Variants in PLCG1 observed in about 807,000 individuals in gnomAD.
The protein encoded by PLCG1 is 1-phosphatidylinositol 4,5-bisphosphate phosphodiesterase gamma-1.
A neutral mutation model predicts 177.8 loss-of-function variants in PLCG1; 71 were observed. The observed-to-expected ratio is 0.40, with a 90% confidence interval of 0.33 to 0.49. The LOEUF is 0.49. Among genes scored for constraint, PLCG1 ranks in the 20% least tolerant of loss-of-function variants. The pLI, the probability that PLCG1 is intolerant of heterozygous loss-of-function variation, is 0.72. For missense variants in PLCG1, 1,281 were observed against 1,709.0 expected (o/e 0.75, Z 4.42); for synonymous variants, 658 against 647.9 (o/e 1.02, Z -0.24).
rs1210976732 is a variant in PLCG1, at chr20:41,161,540, C to T, written c.513-912C>T. Among the ~76,000 whole-genome samples, 6 of 152,156 alleles carry T rather than the reference C, an allele frequency of 3.9e-5. No homozygotes were observed. The East Asian group carries it at 1.2e-3, about 29-fold the overall frequency. ...AGGCCTCTGTTTCCTCACTGGAAAA[C>T]AAGGACCCTGATAGCACCTACCTCC... On this transcript the variant is annotated intron_variant, in intron 4 of 31. Transcript: ENST00000685551.
chr20:41,168,937 C>T, intron 21 of PLCG1, 67 bp downstream of exon 21: 2 of 1,204,218 alleles, frequency 1.7e-6, no homozygotes, highest in East Asian at 2.3e-5. Context: ...CAAAGACATG[C>T]ATTTGTGATG....
Position 41,174,169 on chromosome 20 carries a change from G to C in PLCG1, c.3691G>C (p.Glu1231Gln), listed in dbSNP as rs763120110. 12 of 1,614,036 alleles carry C rather than the reference G, an allele frequency of 7.4e-6. No homozygotes were observed. The highest frequency in any genetic ancestry group is 4.4e-5 in the South Asian group (4 of 91,086). The change falls in exon 31 of 32, where the codon GAG becomes CAG. Residue 1231 changes from glutamate to glutamine, a missense_variant. Physicochemically the swap from Glu to Gln is conservative, Grantham distance 29 (BLOSUM62 2). Around this residue, in one of 4 missense-constraint regions of PLCG1, gnomAD observed 153 missense variants for 153.2 expected, o/e 1.00. Coordinates refer to ENST00000685551, the MANE Select transcript of PLCG1 (RefSeq NM_002660.3). This position sits in a 1 kb window ranked among gnomAD's most constrained non-coding sequence, Gnocchi z 5.8. ...LSPFSGTSLRERGSDASGQLF... is the reference protein window; with the variant it reads ...LSPFSGTSLRQRGSDASGQLF... ...TCCCTTCAGTGGTACGTCCCTGCGG[G>C]AGCGGGGCTCAGATGCCTCAGGCCA...
Position 41,166,736 on chromosome 20 carries a change from A to G in PLCG1, c.2178A>G (p.Leu726=), listed in dbSNP as rs541753135. The part of the protein sequence containing the change: ...RVQQEGQTVM[L]GNSEFDSLVD... ...AGCAAGAGGGCCAGACAGTGATGCT[A>G]GGGAACTCGGAGTTCGACAGCCTTG... Residue 726 remains leucine (L), a synonymous_variant, in exon 19 of 32, where the codon CTA becomes CTG. Transcript: ENST00000685551. This position sits in a 1 kb window ranked among gnomAD's most constrained non-coding sequence, Gnocchi z 8.6. 20 of 1,614,156 alleles carry G rather than the reference A, an allele frequency of 1.2e-5. No homozygotes were observed. The highest frequency in any genetic ancestry group is 1.5e-5 in the Non-Finnish European group (18 of 1,180,002).
chr20:41,170,391 G>A (rs1161883961), intron 24 of PLCG1, 122 bp downstream of exon 24: 2 of 938,022 alleles, frequency 2.1e-6, no homozygotes, highest in Non-Finnish European at 1.6e-6. Context: ...TGCTAGATAG[G>A]CCACAGCCCC....
chr20:41,169,280 G>C (rs2035814403), intron 22 of PLCG1, 105 bp downstream of exon 22: 4 of 986,542 alleles, frequency 4.1e-6, no homozygotes, highest in Non-Finnish European at 6.5e-6. Flanking sequence ...ACAGACACCT[G>C]TCACATGGGC....
In PLCG1 at chr20:41,175,980, G is replaced by A. The variant is rs1382040561; in HGVS notation, c.*1471G>A. On this transcript the variant is annotated 3_prime_UTR_variant, in exon 32 of 32. Transcript: ENST00000685551. Reference sequence around the variant, plus strand: ...GGTTCTTTGTGGCCAGCCAGTTTTGGTGGTGAGCTGGAAACAACCAGAGCC... The same window carrying A: ...GGTTCTTTGTGGCCAGCCAGTTTTGATGGTGAGCTGGAAACAACCAGAGCC... The A allele has an allele frequency of 6.6e-6, 1 of 152,164 alleles. No homozygotes were observed. The highest frequency in any genetic ancestry group is 2.1e-4 in the South Asian group (1 of 4,830). 9.4% of individuals were successfully genotyped at this position (152,164 alleles called of 1,614,324 possible). A position where few individuals can be genotyped will look rare whatever the true frequency, so the allele number is the denominator to read the frequency against.
intron 1 of PLCG1, among the ~76,000 whole-genome samples, chr20:41,149,112 A>T (rs1182119652): frequency 6.6e-6 from 1 of 152,220 alleles, no homozygotes; most frequent in Non-Finnish European, 1.5e-5. Flanking sequence ...TTAGGATGCC[A>T]GATGCTGCTG....
Position 41,166,047 on chromosome 20 carries a change from TGTGACTG to T in PLCG1, c.1800-146_1800-140del. 2 of 592,242 alleles carry T rather than the reference TGTGACTG, an allele frequency of 3.4e-6. No individual in the cohort carries two copies. Among genetic ancestry groups the T allele is most frequent in the Admixed American group, 3.1e-5 (1 of 31,932 alleles). 36.7% of individuals were successfully genotyped at this position (592,242 alleles called of 1,614,324 possible). ...ATTTGAAGCCCACACCTTTGGTTCATGTGACTGCCCACACCTGAGCTCCTCAGGAGAT... is the reference window on the plus strand; with the variant it reads ...ATTTGAAGCCCACACCTTTGGTTCATCCCACACCTGAGCTCCTCAGGAGAT... On this transcript the variant is annotated intron_variant, in intron 16 of 31. Transcript: ENST00000685551. This position sits in a 1 kb window ranked among gnomAD's most constrained non-coding sequence, Gnocchi z 8.6.
rs1218346630 is a variant in PLCG1 at position 41,175,276 on chromosome 20, T to G, written c.*767T>G. ...TGTGTTAAGAGGACTTAGTTTGTGA[T>G]GTAAGGCACTGTCAGGAATGGGGGG... On this transcript the variant is annotated 3_prime_UTR_variant, in exon 32 of 32. Transcript: ENST00000685551. 6.6e-6 allele frequency: 1 copy of G among 151,338 alleles called. No homozygotes were observed. The highest frequency in any genetic ancestry group is 2.4e-5 in the African/African-American group (1 of 41,134). 9.4% of individuals were successfully genotyped at this position (151,338 alleles called of 1,614,324 possible). A position where few individuals can be genotyped will look rare whatever the true frequency, so the allele number is the denominator to read the frequency against.
chr20:41,169,038 CG>C (rs767445543), intron 21 of PLCG1, 40 bp from the exon 22 acceptor site: 2 of 1,487,146 alleles, frequency 1.3e-6, no homozygotes, highest in Non-Finnish European at 1.9e-6. Flanking sequence ...CATGGGAGTT[CG>C]GGGTGGTTGC....
chr20:41,160,013 G>A lies in PLCG1; in HGVS notation c.464+50G>A, dbSNP rs2035445588. 4 of 1,597,464 alleles carry A rather than the reference G, an allele frequency of 2.5e-6. No individual in the cohort carries two copies. The African/African-American group carries it at 5.4e-5, about 21-fold the overall frequency. ...AGGGCTGGGAGCATTAGGGACCAGG[G>A]GGACAGGGACAGCAGACCTTTGTGT... is the stretch of plus-strand genomic sequence containing the variant. On this transcript the variant is annotated intron_variant, in intron 3 of 31. Coordinates refer to ENST00000685551, the MANE Select transcript of PLCG1 (RefSeq NM_002660.3). This position sits in a 1 kb window ranked among gnomAD's most constrained non-coding sequence, Gnocchi z 5.5.
At position 41,168,814 on chromosome 20, in the gene PLCG1, G is replaced by A; in HGVS notation, c.2427G>A (p.Glu809=). 6.2e-7 allele frequency: 1 copy of A among 1,613,072 alleles called. No individual in the cohort carries two copies. The highest frequency in any genetic ancestry group is 1.1e-5 in the South Asian group (1 of 91,020). The change falls in exon 21 of 32, where the codon GAG becomes GAA. Residue 809 remains glutamate (E), a synonymous_variant. Coordinates refer to ENST00000685551, the MANE Select transcript of PLCG1 (RefSeq NM_002660.3). ...ACTACAAGGCCCAGAGGGAGGACGA[G>A]CTGACCTTCATCAAGAGCGCCATCA... ...LFDYKAQRED[E]LTFIKSAIIQ... is the part of the protein sequence containing the mutation.
chr20:41,162,814 C>CT lies in PLCG1; in HGVS notation c.681+91dup. On this transcript the variant is annotated intron_variant, in intron 6 of 31. Coordinates refer to ENST00000685551, the MANE Select transcript of PLCG1 (RefSeq NM_002660.3). ...TGCCTGCCTCAGCCCTGCTGCCCTG[C>CT]TTAGGGGCTTTTGGGTGCCATTTCT... is the stretch of plus-strand genomic sequence containing the variant. 4.4e-6 allele frequency: 6 copies of CT among 1,368,140 alleles called. No individual in the cohort carries two copies. The Middle Eastern group carries it at 9.3e-4, about 212-fold the overall frequency. The allele number at this position is 1,368,140 out of a possible 1,614,324, so 84.8% of individuals were successfully genotyped here. A position where few individuals can be genotyped will look rare whatever the true frequency, so the allele number is the denominator to read the frequency against.
In PLCG1 at chr20:41,163,652, A is replaced by G; in HGVS notation, c.892-63A>G. ...GCACTCTCTCTCCTACCCCCAACCT[A>G]CCATCTTGGGTTGGACAGGGCAGGG... is the stretch of plus-strand genomic sequence containing the variant. On this transcript the variant is annotated intron_variant, in intron 9 of 31. Transcript: ENST00000685551. This position sits in a 1 kb window ranked among gnomAD's most constrained non-coding sequence, Gnocchi z 5.2. 3.3e-6 allele frequency: 4 copies of G among 1,223,246 alleles called. No individual in the cohort carries two copies. The highest frequency in any genetic ancestry group is 4.8e-6 in the Non-Finnish European group (4 of 825,420). The allele number at this position is 1,223,246 out of a possible 1,614,324, so 75.8% of individuals were successfully genotyped here. A position where few individuals can be genotyped will look rare whatever the true frequency, so the allele number is the denominator to read the frequency against.
In PLCG1 at chr20:41,151,016, T is replaced by A. The variant is rs1279215148; in HGVS notation, c.218-8590T>A. Among the ~76,000 whole-genome samples, 1 of 152,166 alleles carries A rather than the reference T, an allele frequency of 6.6e-6. No homozygotes were observed. The highest frequency in any genetic ancestry group is 1.9e-4 in the East Asian group (1 of 5,206). On this transcript the variant is annotated intron_variant, in intron 1 of 31. Coordinates refer to ENST00000685551, the MANE Select transcript of PLCG1 (RefSeq NM_002660.3). The surrounding 1 kb of genome is among the most constrained non-coding windows in gnomAD (Gnocchi z 5.5). ...GAGTAGATAGATGCCCGATAAATGT[T>A]TGATCAGATGATGGAATGAATGACT...
At position 41,166,315 on chromosome 20, in the gene PLCG1, C is replaced by G. The variant is rs748470555; in HGVS notation, c.1921C>G (p.Gln641Glu). ...SLYDLITHYQ[Q>E]VPLRCNEFEM... is the part of the protein sequence containing the mutation. ...CTATGACCTCATCACGCACTACCAG[C>G]AGGTGCCCCTGCGCTGTAATGAGTT... The change falls in exon 17 of 32, where the codon CAG becomes GAG. Residue 641 changes from glutamine (Q) to glutamate (E), a missense_variant. Physicochemically the swap from Gln to Glu is conservative, Grantham distance 29 (BLOSUM62 2). Coordinates refer to ENST00000685551, the MANE Select transcript of PLCG1 (RefSeq NM_002660.3). The surrounding 1 kb of genome is among the most constrained non-coding windows in gnomAD (Gnocchi z 8.6). 1 of 1,614,042 alleles carries G rather than the reference C, an allele frequency of 6.2e-7. No individual in the cohort carries two copies. The highest frequency in any genetic ancestry group is 8.5e-7 in the Non-Finnish European group (1 of 1,180,014).
rs1847121209 is a variant in PLCG1, at chr20:41,157,350, G to A, written c.218-2256G>A. On this transcript the variant is annotated intron_variant, in intron 1 of 31. Transcript: ENST00000685551. This position sits in a 1 kb window ranked among gnomAD's most constrained non-coding sequence, Gnocchi z 5.4. ...AAAAGGCAGAGTTTGTGGTTGTTCT[G>A]CAGTTTCTGATCTAGCCATTTCCCC... Among the ~76,000 whole-genome samples, 1 of 152,040 alleles carries A rather than the reference G, an allele frequency of 6.6e-6. No individual in the cohort carries two copies. Among genetic ancestry groups the A allele is most frequent in the Non-Finnish European group, 1.5e-5 (1 of 68,008 alleles).
chr20:41,174,406 T>C lies in PLCG1; in HGVS notation c.3834-61T>C. On this transcript the variant is annotated intron_variant, in intron 31 of 31. Transcript: ENST00000685551. The surrounding 1 kb of genome is among the most constrained non-coding windows in gnomAD (Gnocchi z 5.8). ...CTCCTGGGTAGAAAAGTTGTAATATTGTCTGGCATTGGGCTGCAAGGCCCT... is the reference window on the plus strand; with the variant it reads ...CTCCTGGGTAGAAAAGTTGTAATATCGTCTGGCATTGGGCTGCAAGGCCCT... 1.9e-6 allele frequency: 3 copies of C among 1,597,250 alleles called. No individual in the cohort carries two copies. Among genetic ancestry groups the C allele is most frequent in the South Asian group, 1.1e-5 (1 of 89,734 alleles).
rs564748569 is a variant in PLCG1 at position 41,150,443 on chromosome 20, C to G, written c.218-9163C>G. ...TCCCTGAGACATGGCCCTGGTGGGT[C>G]CCCAGTCTCTCTCCTGTAGCTAGGA... On this transcript the variant is annotated intron_variant, in intron 1 of 31. Transcript: ENST00000685551. The surrounding 1 kb of genome is among the most constrained non-coding windows in gnomAD (Gnocchi z 4.0). Among the ~76,000 whole-genome samples, 1 of 152,236 alleles carries G rather than the reference C, an allele frequency of 6.6e-6. No individual in the cohort carries two copies. Among genetic ancestry groups the G allele is most frequent in the South Asian group, 2.1e-4 (1 of 4,822 alleles).
Sources: allele counts gnomAD v4.1 joint callset (sites outside exome capture counted in the v4.1 genomes callset), GRCh38; gene constraint gnomAD v4.1.1; regional missense constraint gnomAD v4.1.1; non-coding constraint Gnocchi (gnomAD v3.1); transcripts MANE v1.5; gene names NCBI Gene and HGNC (gene_info 2026-07-23, HGNC 2026-07-21).